The following PHKA2 variants were observed in gnomAD, a reference collection of about 807,000 sequenced individuals.
PHKA2 encodes phosphorylase kinase regulatory subunit alpha 2, also known as phosphorylase b kinase regulatory subunit alpha, liver isoform.
Under a neutral mutation model 102.0 loss-of-function variants are expected in PHKA2, and 31 were observed. That is an observed-to-expected ratio of 0.30 (90% CI 0.23 to 0.41). The LOEUF (loss-of-function observed/expected upper bound fraction) is 0.41, where lower values mean the gene tolerates loss of function less well. Among genes scored for constraint, PHKA2 ranks in the 10% least tolerant of loss-of-function variants. PHKA2 has a pLI of 1.00. For synonymous variants in PHKA2, 455 were observed against 416.2 expected, an observed-to-expected ratio of 1.09 and a Z score of -1.13; for missense variants, 858 against 1,023.1, an observed-to-expected ratio of 0.84 and a Z score of 2.20.
chrX:18,925,556 T>C (rs2048196118), intron 15 of PHKA2, 112 bp downstream of exon 15: 4 of 551,410 alleles, frequency 7.3e-6, no homozygotes, highest in Non-Finnish European at 1.3e-5. Context: ...TCATTTCATA[T>C]GTCTCTATTT....
intron 26 of PHKA2, 131 bp downstream of exon 26, chrX:18,905,627 A>T: frequency 1.8e-6 from 1 of 557,619 alleles, no homozygotes; most frequent in Non-Finnish European, 3.2e-6. Flanking sequence ...TGAGCCTAGG[A>T]CTCTGTCCAT....
intron 26 of PHKA2, among the ~76,000 whole-genome samples, chrX:18,903,692 C>T (rs1794556284): frequency 8.9e-6 from 1 of 112,085 alleles, no homozygotes; most frequent in Non-Finnish European, 1.9e-5. Context: ...AACCAGAGGC[C>T]ACTGATGCAC....
rs749641362 is a variant in PHKA2 at position 18,979,195 on chromosome X, C to T, written c.78+4660G>A. Among the ~76,000 whole-genome samples the T allele has an allele frequency of 3.6e-5, 4 of 111,977 alleles. No homozygotes were observed. In the South Asian group the frequency reaches 1.1e-3, roughly 31 times the overall value. ...ACTTTCACTCCAGTCTCTTCCTATT[C>T]TTCTGCCATATTATTATTTTCTAAT... On this transcript the variant is annotated intron_variant, in intron 1 of 32. Transcript: ENST00000379942.
intron 1 of PHKA2, among the ~76,000 whole-genome samples, chrX:18,970,644 C>T (rs1344805518): frequency 8.9e-6 from 1 of 112,077 alleles, no homozygotes; most frequent in African/African-American, 3.2e-5. Context: ...AGTAAGAGCA[C>T]ATCATTAGTG....
In PHKA2 at chrX:18,895,118, C is replaced by T; in HGVS notation, c.3336+20G>A. The stretch of plus-strand genomic sequence containing the variant: ...TGTGAACCCACAGAGGGGCCCGCCT[C>T]TGCGTTTTTCTCATCGTACCTCTCG... On this transcript the variant is annotated intron_variant, in intron 31 of 32. Coordinates refer to ENST00000379942, the MANE Select transcript of PHKA2 (RefSeq NM_000292.3). 1 of 1,206,622 alleles carries T rather than the reference C, an allele frequency of 8.3e-7. No individual in the cohort carries two copies. Among genetic ancestry groups the T allele is most frequent in the Non-Finnish European group, 1.1e-6 (1 of 890,624 alleles).
rs184896828 is a variant in PHKA2 at position 18,938,568 on chromosome X, T to C, written c.1041+59A>G. On this transcript the variant is annotated intron_variant, in intron 10 of 32. Coordinates refer to ENST00000379942, the MANE Select transcript of PHKA2 (RefSeq NM_000292.3). The stretch of plus-strand genomic sequence containing the variant: ...CTTGCATAACCCTATGTTCTAATAA[T>C]AATCAGTATACCAGTGGAATGAAAA... 7.9e-5 allele frequency: 86 copies of C among 1,090,284 alleles called. No homozygotes were observed. The East Asian group carries it at 2.3e-3, about 30-fold the overall frequency. The allele number at this position is 1,090,284 out of a possible 1,213,427, so 89.9% of individuals were successfully genotyped here.
chrX:18,917,577 T>G (rs2048041202), intron 19 of PHKA2, among the ~76,000 whole-genome samples: 1 of 111,926 alleles, frequency 8.9e-6, no homozygotes, highest in Admixed American at 9.6e-5. Flanking sequence ...GTATTTTTAA[T>G]CTAGAATTCT....
intron 1 of PHKA2, among the ~76,000 whole-genome samples, chrX:18,962,090 A>G (rs1299112690): frequency 8.9e-6 from 1 of 112,114 alleles, no homozygotes; most frequent in Admixed American, 9.5e-5. Flanking sequence ...AAAATGAAAA[A>G]CAAAAAACTA....
chrX:18,936,038 C>T lies in PHKA2; in HGVS notation c.1137+17G>A, dbSNP rs766565144. 3.5e-5 allele frequency: 39 copies of T among 1,129,726 alleles called. No individual in the cohort carries two copies. The highest frequency in any genetic ancestry group is 4.4e-5 in the Non-Finnish European group (36 of 822,588). The allele number at this position is 1,129,726 out of a possible 1,213,427, so 93.1% of individuals were successfully genotyped here. On this transcript the variant is annotated intron_variant, in intron 11 of 32. Transcript: ENST00000379942. Reference sequence around the variant, plus strand: ...TTCTAGATAAGCGGTGCAAAGGGCCCTCTGCCACTGGGTTACCTTGTTAGG... The same window carrying T: ...TTCTAGATAAGCGGTGCAAAGGGCCTTCTGCCACTGGGTTACCTTGTTAGG...
intron 4 of PHKA2, among the ~76,000 whole-genome samples, chrX:18,950,814 C>G (rs2048670320): frequency 8.9e-6 from 1 of 112,135 alleles, no homozygotes; most frequent in African/African-American, 3.2e-5. Flanking sequence ...GAGCCTCTGG[C>G]TCTCTTGCCC....
At chrX:18,919,024 C>G (rs1185996588) in intron 18 of PHKA2, among the ~76,000 whole-genome samples, 170 bp from the exon 19 acceptor site, 1 of 111,383 alleles carries the variant, frequency 9.0e-6, no homozygotes, top group Non-Finnish European at 1.9e-5. Flanking sequence ...AAGAGATTTA[C>G]AGAGATAATG....
rs1009675108 is a variant in PHKA2, at chrX:18,897,086, G to A, written c.3282+77C>T. 1.8e-5 allele frequency: 20 copies of A among 1,087,944 alleles called. No individual in the cohort carries two copies. The highest frequency in any genetic ancestry group is 1.8e-4 in the East Asian group (6 of 33,213). 89.7% of individuals were successfully genotyped at this position (1,087,944 alleles called of 1,213,427 possible). A position where few individuals can be genotyped will look rare whatever the true frequency, so the allele number is the denominator to read the frequency against. On this transcript the variant is annotated intron_variant, in intron 30 of 32. Coordinates refer to ENST00000379942, the MANE Select transcript of PHKA2 (RefSeq NM_000292.3). Reference sequence around the variant, plus strand: ...CATCCTCAGGGCTGTGTGTTTGCTCGCCTGGAGGTGCCACCATGCCTTGCC... The same window carrying A: ...CATCCTCAGGGCTGTGTGTTTGCTCACCTGGAGGTGCCACCATGCCTTGCC...
At chrX:18,901,171 TCTA>T (rs1210819182) in intron 27 of PHKA2, among the ~76,000 whole-genome samples, 1 of 110,990 alleles carries the variant, frequency 9.0e-6, no homozygotes, top group Admixed American at 9.6e-5. Context: ...TTTGCATGAC[TCTA>T]CTTTTTCAAT....
At position 18,982,835 on chromosome X, in the gene PHKA2, AAAAC is replaced by A. The variant is rs928226395; in HGVS notation, c.78+1016_78+1019del. On this transcript the variant is annotated intron_variant, in intron 1 of 32. Transcript: ENST00000379942. ...GGAGACAGAGTGAGACCCTGTCTCA[AAAAC>A]AAACAAACAACAACAAAGAAAACAG... is the stretch of plus-strand genomic sequence containing the variant. 6.2e-5 allele frequency among the ~76,000 whole-genome samples: 7 copies of A among 112,057 alleles called. No individual in the cohort carries two copies. The Admixed American group carries it at 6.6e-4, about 11-fold the overall frequency.
At position 18,894,784 on chromosome X, in the gene PHKA2, G is replaced by A. The variant is rs2047503707; in HGVS notation, c.3336+354C>T. On this transcript the variant is annotated intron_variant, in intron 31 of 32. Coordinates refer to ENST00000379942, the MANE Select transcript of PHKA2 (RefSeq NM_000292.3). ...AAAGAATGACAAATCACCTAGGGAC[G>A]ATTACTGTTTTTAGTTGGAGAAAAG... The A allele has an allele frequency of 1.8e-5, 7 of 390,073 alleles. No homozygotes were observed. The East Asian group carries it at 3.1e-4, about 17-fold the overall frequency. 32.1% of individuals were successfully genotyped at this position (390,073 alleles called of 1,213,427 possible). A position where few individuals can be genotyped will look rare whatever the true frequency, so the allele number is the denominator to read the frequency against.
At chrX:18,924,970 T>A (rs895476327) in intron 15 of PHKA2, among the ~76,000 whole-genome samples, 2 of 112,256 alleles carry the variant, frequency 1.8e-5, no homozygotes, top group Non-Finnish European at 3.8e-5. Context: ...CTGCCTGATG[T>A]TGAGAACAAA....
intron 30 of PHKA2, chrX:18,895,525 A>C: frequency 7.2e-6 from 2 of 276,126 alleles, no homozygotes; most frequent in Non-Finnish European, 1.3e-5. Flanking sequence ...TGCCATAATA[A>C]AGGGGGATTT....
intron 1 of PHKA2, among the ~76,000 whole-genome samples, chrX:18,971,862 T>G (rs2049023376): frequency 8.9e-6 from 1 of 112,849 alleles, no homozygotes; most frequent in Non-Finnish European, 1.9e-5. Context: ...TGCAGTCATC[T>G]GAGAGCTTGA....
At position 18,894,243 on chromosome X, in the gene PHKA2, C is replaced by A. The variant is rs764708902; in HGVS notation, c.3498G>T (p.Gln1166His). Reference sequence around the variant, plus strand: ...ACAGCTGACTGGCCATCTGCACGATCTGGTCCACGTGGATGATGCCCCCGA... The same window carrying A: ...ACAGCTGACTGGCCATCTGCACGATATGGTCCACGTGGATGATGCCCCCGA... ...TSIGGIIHVD[Q>H]IVQMASQLFL... Residue 1166 changes from glutamine (Q) to histidine (H), a missense_variant, in exon 32 of 33, where the codon CAG becomes CAT. Physicochemically the swap from Gln to His is conservative, Grantham distance 24. Around this residue, in one of 2 missense-constraint regions of PHKA2, gnomAD observed 671 missense variants for 745.2 expected, o/e 0.90. Coordinates refer to ENST00000379942, the MANE Select transcript of PHKA2 (RefSeq NM_000292.3). 23 of 1,212,068 alleles carry A rather than the reference C, an allele frequency of 1.9e-5. No individual in the cohort carries two copies. The highest frequency in any genetic ancestry group is 2.6e-5 in the Non-Finnish European group (23 of 895,567).
Sources: allele counts gnomAD v4.1 joint callset (sites outside exome capture counted in the v4.1 genomes callset), GRCh38; gene constraint gnomAD v4.1.1; regional missense constraint gnomAD v4.1.1; transcripts MANE v1.5; gene names NCBI Gene and HGNC (gene_info 2026-07-23, HGNC 2026-07-21).